Variants in PLD6 observed in about 807,000 individuals in gnomAD.
PLD6 encodes phospholipase D family member 6.
Under a neutral mutation model 9.7 loss-of-function variants are expected in PLD6, and 10 were observed. The ratio of observed to expected loss-of-function variants is 1.03; its 90% CI spans 0.64 to 1.75. PLD6 has a LOEUF of 1.75. Among genes scored for constraint, PLD6 ranks in the 40% most tolerant of loss-of-function variants. PLD6 has a pLI of 0.00. For missense variants in PLD6, 334 were observed against 347.6 expected (o/e 0.96, Z 0.31); for synonymous variants, 152 against 159.2 (o/e 0.96, Z 0.34).
chr17:17,202,992 G>A lies in PLD6; in HGVS notation c.534C>T (p.Ala178=), dbSNP rs772976619. 1 of 1,614,202 alleles carries A rather than the reference G, an allele frequency of 6.2e-7. No homozygotes were observed. Among genetic ancestry groups the A allele is most frequent in the Non-Finnish European group, 8.5e-7 (1 of 1,180,048 alleles). ...GAACATTCTCCCTGTTGTTCTGGAT[G>A]GCTTGCGTGGTCCAGTTGAGCGAGC... ...ITGSLNWTTQ[A]IQNNRENVLI... Residue 178 remains alanine, a synonymous_variant, in exon 2 of 2, where the codon GCC becomes GCT. Coordinates refer to ENST00000321560, the MANE Select transcript of PLD6 (RefSeq NM_178836.4).
At position 17,203,124 on chromosome 17, in the gene PLD6, T is replaced by C. The variant is rs766619600; in HGVS notation, c.428-26A>G. On this transcript the variant is annotated intron_variant, in intron 1 of 1. Transcript: ENST00000321560. ...CTGCAGAAAGGACAAGGTGATTTCA[T>C]TCCATGCAGGAGTCCCGCCCCCAGT... The C allele has an allele frequency of 1.9e-6, 3 of 1,603,140 alleles. No homozygotes were observed. The South Asian group carries it at 3.3e-5, about 18-fold the overall frequency.
chr17:17,203,029 A>G lies in PLD6; in HGVS notation c.497T>C (p.Val166Ala). The change falls in exon 2 of 2, where the codon GTG (valine) becomes GCG (alanine). Residue 166 changes from valine (V) to alanine (A), a missense_variant. By Grantham distance (64) the Val-to-Ala change is moderately conservative. Transcript: ENST00000321560. ...CCAGTTGAGCGAGCCAGTGATGAGCACCCTCTTGTCCACGATGGCAAACTT... is the reference window on the plus strand; with the variant it reads ...CCAGTTGAGCGAGCCAGTGATGAGCGCCCTCTTGTCCACGATGGCAAACTT... ...HHKFAIVDKRVLITGSLNWTT... is the reference protein window; with the variant it reads ...HHKFAIVDKRALITGSLNWTT... The G allele has an allele frequency of 2.5e-6, 4 of 1,614,140 alleles. No individual in the cohort carries two copies. The Admixed American group carries it at 6.7e-5, about 27-fold the overall frequency.
chr17:17,206,312 C>CCACGCCGCCGCAGCGGAGTCTG lies in PLD6; in HGVS notation c.-27_-26insCAGACTCCGCTGCGGCGGCGTG. ...GCCGCCGCTAATCCGGGACCCACAG[C>CCACGCCGCCGCAGCGGAGTCTG]CACGCCGCCGCAGCGGAGTCTGCGC... On this transcript the variant is annotated 5_prime_UTR_variant, in exon 1 of 2. Transcript: ENST00000321560. 1 of 1,501,658 alleles carries CCACGCCGCCGCAGCGGAGTCTG rather than the reference C, an allele frequency of 6.7e-7. No individual in the cohort carries two copies. Among genetic ancestry groups the CCACGCCGCCGCAGCGGAGTCTG allele is most frequent in the Non-Finnish European group, 8.8e-7 (1 of 1,136,286 alleles). The allele number at this position is 1,501,658 out of a possible 1,614,324, so 93.0% of individuals were successfully genotyped here.
rs1477263249 is a variant in PLD6 at position 17,201,778 on chromosome 17, G to C, written c.*989C>G. 1 of 152,124 alleles carries C rather than the reference G, an allele frequency of 6.6e-6. No individual in the cohort carries two copies. The highest frequency in any genetic ancestry group is 1.5e-5 in the Non-Finnish European group (1 of 68,042). The allele number at this position is 152,124 out of a possible 1,614,324, so 9.4% of individuals were successfully genotyped here. ...GTGGATCACTTGAGGTCAGGAGTTT[G>C]AGACCAGCCTAACCAACATGGTGAA... is the stretch of plus-strand genomic sequence containing the variant. On this transcript the variant is annotated 3_prime_UTR_variant, in exon 2 of 2. Transcript: ENST00000321560.
chr17:17,203,226 A>G (rs531772328), intron 1 of PLD6, 128 bp from the exon 2 acceptor site: 202 of 987,804 alleles, frequency 2.0e-4, no homozygotes, highest in Non-Finnish European at 2.7e-4. Flanking sequence ...CCATGCTTTC[A>G]CAGAGTGGTG....
In PLD6 at chr17:17,203,040, C is replaced by T; in HGVS notation, c.486G>A (p.Val162=). 6.2e-7 allele frequency: 1 copy of T among 1,614,196 alleles called. No homozygotes were observed. The highest frequency in any genetic ancestry group is 1.3e-5 in the African/African-American group (1 of 75,052). ...AGCCAGTGATGAGCACCCTCTTGTC[C>T]ACGATGGCAAACTTGTGATGCATGT... The part of the protein sequence containing the change: ...PGYMHHKFAI[V]DKRVLITGSL... The change falls in exon 2 of 2, where the codon GTG becomes GTA. Residue 162 remains valine (V), a synonymous_variant. Coordinates refer to ENST00000321560, the MANE Select transcript of PLD6 (RefSeq NM_178836.4).
rs1323603315 is a variant in PLD6, at chr17:17,202,152, AGGAAT to A, written c.*610_*614del. 1 of 155,408 alleles carries A rather than the reference AGGAAT, an allele frequency of 6.4e-6. No homozygotes were observed. Among genetic ancestry groups the A allele is most frequent in the Non-Finnish European group, 1.4e-5 (1 of 70,036 alleles). 9.6% of individuals were successfully genotyped at this position (155,408 alleles called of 1,614,324 possible). On this transcript the variant is annotated 3_prime_UTR_variant, in exon 2 of 2. Transcript: ENST00000321560. ...ACTGGTTTTAAAGAGCAATTATGCAAGGAATCAAGGGAACAGCCAGCCTTTGGTGG... is the reference window on the plus strand; with the variant it reads ...ACTGGTTTTAAAGAGCAATTATGCAACAAGGGAACAGCCAGCCTTTGGTGG...
Position 17,204,303 on chromosome 17 carries a change from G to C in PLD6, c.428-1205C>G, listed in dbSNP as rs567851294. ...TGCCTCTCCCTCCGAACAGTCCACT[G>C]GTGTCAGCAAGGTCCCTGCCCTGAG... On this transcript the variant is annotated intron_variant, in intron 1 of 1. Coordinates refer to ENST00000321560, the MANE Select transcript of PLD6 (RefSeq NM_178836.4). 7 of 152,734 alleles carry C rather than the reference G, an allele frequency of 4.6e-5. No homozygotes were observed. In the East Asian group the frequency reaches 1.3e-3, roughly 29 times the overall value. The allele number at this position is 152,734 out of a possible 1,614,324, so 9.5% of individuals were successfully genotyped here. A position where few individuals can be genotyped will look rare whatever the true frequency, so the allele number is the denominator to read the frequency against.
rs754293786 is a variant in PLD6, at chr17:17,202,206, C to T, written c.*561G>A. Reference sequence around the variant, plus strand: ...GGCAATGACGCTCACGGGGTTGCCCCGAAGGCTGCTTTTGCCACCCGCACC... The same window carrying T: ...GGCAATGACGCTCACGGGGTTGCCCTGAAGGCTGCTTTTGCCACCCGCACC... On this transcript the variant is annotated 3_prime_UTR_variant, in exon 2 of 2. Coordinates refer to ENST00000321560, the MANE Select transcript of PLD6 (RefSeq NM_178836.4). 5.7e-5 allele frequency: 9 copies of T among 156,590 alleles called. No individual in the cohort carries two copies. The highest frequency in any genetic ancestry group is 1.3e-4 in the Non-Finnish European group (9 of 70,604). The allele number at this position is 156,590 out of a possible 1,614,324, so 9.7% of individuals were successfully genotyped here.
At chr17:17,205,052 T>C (rs922691736) in intron 1 of PLD6, among the ~76,000 whole-genome samples, 1 of 148,656 alleles carries the variant, frequency 6.7e-6, no homozygotes, top group South Asian at 2.1e-4. Flanking sequence ...CAGGCGTGAC[T>C]TTCTGGGTGC....
rs1345269275 is a variant in PLD6, at chr17:17,201,214, A to G, written c.*1553T>C. ...AGTTAACTTCCAAGCTGGCTTGCCT[A>G]ACACTGTGAGTCAAAAGTAACCCTA... On this transcript the variant is annotated 3_prime_UTR_variant, in exon 2 of 2. Transcript: ENST00000321560. The G allele has an allele frequency of 1.3e-5, 2 of 152,254 alleles. No homozygotes were observed. Among genetic ancestry groups the G allele is most frequent in the African/African-American group, 2.4e-5 (1 of 41,456 alleles). 9.4% of individuals were successfully genotyped at this position (152,254 alleles called of 1,614,324 possible). A position where few individuals can be genotyped will look rare whatever the true frequency, so the allele number is the denominator to read the frequency against.
chr17:17,202,965 G>A lies in PLD6; in HGVS notation c.561C>T (p.Leu187=), dbSNP rs116547825. ...QAIQNNRENV[L]ITEDDEYVRL... is the part of the protein sequence containing the mutation. Reference sequence around the variant, plus strand: ...GCACGTACTCGTCGTCCTCCGTGATGAGAACATTCTCCCTGTTGTTCTGGA... The same window carrying A: ...GCACGTACTCGTCGTCCTCCGTGATAAGAACATTCTCCCTGTTGTTCTGGA... Residue 187 remains leucine (L), a synonymous_variant, in exon 2 of 2, where the codon CTC becomes CTT. Coordinates refer to ENST00000321560, the MANE Select transcript of PLD6 (RefSeq NM_178836.4). 3.1e-3 allele frequency: 4,979 copies of A among 1,614,208 alleles called. 129 individuals carry two copies. In the African/African-American group the frequency reaches 0.058, roughly 19 times the overall value.
chr17:17,205,957 C>A lies in PLD6; in HGVS notation c.330G>T (p.Val110=), dbSNP rs1221454920. The part of the protein sequence containing the change: ...AFSSPQLGRA[V]QLLHQRGVRV... Reference sequence around the variant, plus strand: ...GCACCCCACGCTGGTGCAGCAACTGCACGGCGCGGCCCAGCTGCGGGCTGG... The same window carrying A: ...GCACCCCACGCTGGTGCAGCAACTGAACGGCGCGGCCCAGCTGCGGGCTGG... Residue 110 remains valine (V), a synonymous_variant, in exon 1 of 2, where the codon GTG becomes GTT. Transcript: ENST00000321560. The A allele has an allele frequency of 6.4e-7, 1 of 1,558,596 alleles. No homozygotes were observed. Among genetic ancestry groups the A allele is most frequent in the Non-Finnish European group, 8.7e-7 (1 of 1,152,680 alleles).
chr17:17,203,474 C>G (rs1032823111), intron 1 of PLD6, among the ~76,000 whole-genome samples: 7 of 152,268 alleles, frequency 4.6e-5, no homozygotes, highest in African/African-American at 1.4e-4. Flanking sequence ...GGTTCTGACT[C>G]TTCCACAGCT....
Position 17,206,255 on chromosome 17 carries a change from G to A in PLD6, c.32C>T (p.Ala11Val), listed in dbSNP as rs1212278864. The A allele has an allele frequency of 6.5e-7, 1 of 1,544,322 alleles. No individual in the cohort carries two copies. Among genetic ancestry groups the A allele is most frequent in the Non-Finnish European group, 8.6e-7 (1 of 1,156,696 alleles). Reference sequence around the variant, plus strand: ...AGTCAGAGCCAGGCCCACAGCCGCCGCGGCCGCCACCTGCCAACTCAACCG... The same window carrying A: ...AGTCAGAGCCAGGCCCACAGCCGCCACGGCCGCCACCTGCCAACTCAACCG... MGRLSWQVAAAAAVGLALTLE... is the reference protein window; with the variant it reads MGRLSWQVAAVAAVGLALTLE... The change falls in exon 1 of 2, where the codon GCG (alanine) becomes GTG (valine). Residue 11 changes from alanine (A) to valine (V), a missense_variant. By Grantham distance (64) the Ala-to-Val change is moderately conservative. Transcript: ENST00000321560.
chr17:17,203,751 G>C (rs188818670), intron 1 of PLD6, among the ~76,000 whole-genome samples: 126 of 152,308 alleles, frequency 8.3e-4, no homozygotes, highest in African/African-American at 2.9e-3. Context: ...ACCTGCTTAA[G>C]GAATGAGGCC....
In PLD6 at chr17:17,201,053, G is replaced by A. The variant is rs1057000762; in HGVS notation, c.*1714C>T. On this transcript the variant is annotated 3_prime_UTR_variant, in exon 2 of 2. Transcript: ENST00000321560. ...CAGAAGTCCAGGGTCACGCGGCTTC[G>A]CATTTAGGAGATGCTTTACAAGCTC... is the stretch of plus-strand genomic sequence containing the variant. The A allele has an allele frequency of 1.3e-5, 2 of 152,228 alleles. No individual in the cohort carries two copies. The highest frequency in any genetic ancestry group is 4.8e-5 in the African/African-American group (2 of 41,442). The allele number at this position is 152,228 out of a possible 1,614,324, so 9.4% of individuals were successfully genotyped here. A position where few individuals can be genotyped will look rare whatever the true frequency, so the allele number is the denominator to read the frequency against.
Position 17,206,227 on chromosome 17 carries a change from C to A in PLD6, c.60G>T (p.Leu20=). 6.5e-7 allele frequency: 1 copy of A among 1,544,832 alleles called. No individual in the cohort carries two copies. Among genetic ancestry groups the A allele is most frequent in the Non-Finnish European group, 8.6e-7 (1 of 1,156,412 alleles). Residue 20 remains leucine (L), a synonymous_variant, in exon 1 of 2, where the codon CTG becomes CTT. Coordinates refer to ENST00000321560, the MANE Select transcript of PLD6 (RefSeq NM_178836.4). ...AGCGCAGCACCCAAGGCAGCGCCTC[C>A]AGAGTCAGAGCCAGGCCCACAGCCG... ...AAAAVGLALT[L]EALPWVLRWL... is the part of the protein sequence containing the mutation.
At chr17:17,204,142 G>T (rs529331233) in intron 1 of PLD6, among the ~76,000 whole-genome samples, 23 of 152,182 alleles carry the variant, frequency 1.5e-4, no homozygotes, top group Non-Finnish European at 2.9e-4. Context: ...TCCTGCCTCC[G>T]CTGGGATCCA....
Sources: allele counts gnomAD v4.1 joint callset (sites outside exome capture counted in the v4.1 genomes callset), GRCh38; gene constraint gnomAD v4.1.1; transcripts MANE v1.5; gene names NCBI Gene and HGNC (gene_info 2026-07-23, HGNC 2026-07-21).